Variants in KCNK2 observed in about 807,000 individuals in gnomAD.
The protein encoded by KCNK2 is potassium two pore domain channel subfamily K member 2.
A neutral mutation model predicts 40.5 loss-of-function variants in KCNK2; 21 were observed. The observed-to-expected ratio is 0.52, with a 90% CI of 0.37 to 0.75. KCNK2 has a LOEUF of 0.75. Ranked by LOEUF, KCNK2 falls within the 30% of genes least tolerant of loss-of-function variation. The probability of loss-of-function intolerance (pLI) is 0.00; values close to 1 mark genes in which losing one functional copy is unlikely to be tolerated. For synonymous variants in KCNK2, 191 were observed against 202.2 expected, an observed-to-expected ratio of 0.94 and a Z score of 0.47; for missense variants, 399 against 531.6, an observed-to-expected ratio of 0.75 and a Z score of 2.45.
intron 5 of KCNK2, among the ~76,000 whole-genome samples, chr1:215,175,770 A>G (rs1019980906): frequency 2.0e-5 from 3 of 152,060 alleles, no homozygotes; most frequent in African/African-American, 7.2e-5. Context: ...CTGTTCTTGC[A>G]TTAATTCAGT....
intron 3 of KCNK2, among the ~76,000 whole-genome samples, chr1:215,131,316 A>T (rs1275373570): frequency 6.8e-6 from 1 of 147,640 alleles, no homozygotes; most frequent in Non-Finnish European, 1.5e-5. Context: ...GAAGCATTAA[A>T]ATTATAATTT....
chr1:215,032,447 T>A (rs895126616), intron 1 of KCNK2, among the ~76,000 whole-genome samples: 6 of 152,092 alleles, frequency 3.9e-5, no homozygotes, highest in Admixed American at 2.0e-4. Flanking sequence ...ACTTTTTTTT[T>A]ATAATTTTAC....
chr1:215,072,538 A>G (rs1268738942), intron 1 of KCNK2, among the ~76,000 whole-genome samples: 1 of 152,216 alleles, frequency 6.6e-6, no homozygotes, highest in Non-Finnish European at 1.5e-5. Context: ...CTTCTCTTGA[A>G]AAGTTGGAAG....
At chr1:215,090,996 G>A (rs1015186667) in intron 2 of KCNK2, among the ~76,000 whole-genome samples, 1 of 152,126 alleles carries the variant, frequency 6.6e-6, no homozygotes, top group African/African-American at 2.4e-5. Flanking sequence ...AAAAACACAT[G>A]GCTTCTCTCA....
At chr1:215,033,607 C>A (rs542708757) in intron 1 of KCNK2, among the ~76,000 whole-genome samples, 1 of 152,236 alleles carries the variant, frequency 6.6e-6, no homozygotes, top group East Asian at 1.9e-4. Context: ...GAACTTCACA[C>A]CTGCTTCTCA....
chr1:215,173,025 C>T (rs1484272760), intron 5 of KCNK2, among the ~76,000 whole-genome samples: 3 of 151,942 alleles, frequency 2.0e-5, no homozygotes, highest in Non-Finnish European at 2.9e-5. Context: ...ATGTGCACAA[C>T]GTGCAGGTTT....
chr1:215,007,175 A>ATATGTG (rs1395819276), intron 1 of KCNK2, among the ~76,000 whole-genome samples: 1 of 74,334 alleles, frequency 1.3e-5, no homozygotes, highest in African/African-American at 6.9e-5. Context: ...ATATATATGT[A>ATATGTG]TGTGTGTGGG....
At chr1:215,226,702 G>A (rs1263819624) in intron 6 of KCNK2, among the ~76,000 whole-genome samples, 3 of 152,126 alleles carry the variant, frequency 2.0e-5, no homozygotes, top group Admixed American at 6.6e-5. Context: ...GTGAGATATT[G>A]TCATGAAAAG....
chr1:215,068,613 TTGG>T (rs139906669), intron 1 of KCNK2, among the ~76,000 whole-genome samples: 2,082 of 152,306 alleles, frequency 0.014, 74 homozygotes, highest in East Asian at 0.076. Context: ...ATAGCTACAC[TTGG>T]TGGCTGGTAG....
At chr1:215,038,621 G>A (rs932798611) in intron 1 of KCNK2, among the ~76,000 whole-genome samples, 1 of 152,006 alleles carries the variant, frequency 6.6e-6, no homozygotes, top group African/African-American at 2.4e-5. Context: ...CAATGAGTTT[G>A]CTAAGGGACA....
intron 4 of KCNK2, among the ~76,000 whole-genome samples, chr1:215,171,308 G>A (rs902784940): frequency 7.2e-5 from 11 of 152,004 alleles, no homozygotes; most frequent in African/African-American, 2.4e-4. Flanking sequence ...CTATGGCCTA[G>A]GGATATTGAA....
chr1:215,140,031 G>A (rs1024909875), intron 3 of KCNK2, among the ~76,000 whole-genome samples: 1 of 152,108 alleles, frequency 6.6e-6, no homozygotes, highest in Non-Finnish European at 1.5e-5. Context: ...TAACATGCCA[G>A]TATCATTGGT....
intron 3 of KCNK2, among the ~76,000 whole-genome samples, chr1:215,156,390 C>T (rs1309596835): frequency 1.3e-5 from 2 of 152,108 alleles, no homozygotes; most frequent in African/African-American, 4.8e-5. Flanking sequence ...AAAAGAAATA[C>T]TAACTTTTCT....
At chr1:215,129,480 A>AGAGTAAGG (rs1382641333) in intron 3 of KCNK2, among the ~76,000 whole-genome samples, 1 of 152,200 alleles carries the variant, frequency 6.6e-6, no homozygotes. Context: ...TGATGGAGCC[A>AGAGTAAGG]GAGTAAGGAG....
intron 3 of KCNK2, among the ~76,000 whole-genome samples, chr1:215,160,416 G>A (rs1227114266): frequency 1.3e-5 from 2 of 152,126 alleles, no homozygotes; most frequent in South Asian, 4.1e-4. Context: ...GTGAGTTAAA[G>A]ATATTTTGAA....
At chr1:215,066,289 A>G (rs963944425) in intron 1 of KCNK2, among the ~76,000 whole-genome samples, 2 of 152,198 alleles carry the variant, frequency 1.3e-5, no homozygotes, top group Admixed American at 6.5e-5. Context: ...CTGATATTCA[A>G]TAATTTCCTG....
chr1:215,208,840 T>C (rs1455564574), intron 6 of KCNK2, among the ~76,000 whole-genome samples: 1 of 152,088 alleles, frequency 6.6e-6, no homozygotes, highest in Non-Finnish European at 1.5e-5. Flanking sequence ...TCTTCTGTTT[T>C]GTTTTGAGAT....
At chr1:215,229,710 G>A (rs964827820) in intron 6 of KCNK2, among the ~76,000 whole-genome samples, 1 of 151,904 alleles carries the variant, frequency 6.6e-6, no homozygotes, top group African/African-American at 2.4e-5. Context: ...TTTTAAAAAG[G>A]AACAGATACT....
chr1:215,146,851 A>T (rs532089193), intron 3 of KCNK2, among the ~76,000 whole-genome samples: 140 of 152,340 alleles, frequency 9.2e-4, no homozygotes, highest in African/African-American at 3.2e-3. Context: ...AGTGGGGATA[A>T]CTAGTTGTAC....
Sources: gnomAD v4.1 joint callset for allele counts (sites outside exome capture counted in the v4.1 genomes callset) on GRCh38, gnomAD v4.1.1 for gene constraint, MANE v1.5 for transcripts, NCBI Gene and HGNC (gene_info 2026-07-23, HGNC 2026-07-21) for gene names.